Variants in MALRD1 observed in about 807,000 individuals in gnomAD.
MALRD1 encodes the protein MAM and LDL-receptor class A domain-containing protein 1.
In MALRD1, 247 loss-of-function variants were observed where a neutral mutation model predicts 242.1. The ratio of observed to expected loss-of-function variants is 1.02; its 90% CI spans 0.92 to 1.13. The LOEUF is 1.13. Among genes scored for constraint, MALRD1 ranks in the 50% most tolerant of loss-of-function variants. The probability of loss-of-function intolerance (pLI) is 0.00; values close to 1 mark genes in which losing one functional copy is unlikely to be tolerated. For missense variants in MALRD1, 2,989 were observed against 2,533.1 expected (o/e 1.18, Z -3.86); for synonymous variants, 995 against 866.6 (o/e 1.15, Z -2.60).
chr10:19,412,288 C>G (rs1359687018), intron 28 of MALRD1, among the ~76,000 whole-genome samples: 1 of 152,154 alleles, frequency 6.6e-6, no homozygotes, highest in Non-Finnish European at 1.5e-5. Context: ...GAAACTCGGT[C>G]TCAAATACAT....
intron 26 of MALRD1, among the ~76,000 whole-genome samples, chr10:19,354,672 C>A (rs557941221): frequency 2.6e-5 from 4 of 152,074 alleles, no homozygotes; most frequent in African/African-American, 4.8e-5. Context: ...TCCTCCAGTT[C>A]CATCCATGTT....
At chr10:19,718,018 AAATAAATAAATAAAGAGGAAGAAG>A in intron 38 of MALRD1, among the ~76,000 whole-genome samples, 1 of 151,340 alleles carries the variant, frequency 6.6e-6, no homozygotes, top group Non-Finnish European at 1.5e-5. Flanking sequence ...ATAAATAAAT[AAATAAATAAATAAAGAGGAAGAAG>A]AAGAGGAAGA....
chr10:19,421,945 C>A (rs1012162446), intron 28 of MALRD1, among the ~76,000 whole-genome samples: 3 of 152,188 alleles, frequency 2.0e-5, no homozygotes, highest in African/African-American at 7.2e-5. Context: ...CTGGACCCAT[C>A]TGTAGCAAAT....
chr10:19,377,580 T>C (rs554358624), intron 26 of MALRD1, among the ~76,000 whole-genome samples: 1 of 152,186 alleles, frequency 6.6e-6, no homozygotes, highest in East Asian at 1.9e-4. Context: ...TTGAATAAGA[T>C]ACATAAAATT....
At chr10:19,533,555 C>T (rs558275135) in intron 32 of MALRD1, among the ~76,000 whole-genome samples, 3 of 152,224 alleles carry the variant, frequency 2.0e-5, no homozygotes, top group Non-Finnish European at 2.9e-5. Context: ...GGAAGCATGG[C>T]ACTGGGCATC....
chr10:19,438,498 C>G (rs181069887), intron 28 of MALRD1, among the ~76,000 whole-genome samples: 14 of 152,304 alleles, frequency 9.2e-5, no homozygotes, highest in African/African-American at 3.4e-4. Context: ...CTTCAAGTCT[C>G]TGCCTTCAAT....
At chr10:19,156,468 T>A (rs954616231) in intron 12 of MALRD1, among the ~76,000 whole-genome samples, 4 of 151,600 alleles carry the variant, frequency 2.6e-5, no homozygotes, top group Admixed American at 1.3e-4. Context: ...GAGCGTTTTT[T>A]TTTTTTTTTT....
chr10:19,154,907 C>T (rs1299766274), intron 11 of MALRD1, among the ~76,000 whole-genome samples, 168 bp from the exon 12 acceptor site: 1 of 152,066 alleles, frequency 6.6e-6, no homozygotes, highest in African/African-American at 2.4e-5. Context: ...TAATGTTATA[C>T]CGGTATAAAT....
intron 36 of MALRD1, among the ~76,000 whole-genome samples, chr10:19,654,404 A>G (rs558328089): frequency 4.1e-4 from 62 of 152,134 alleles, no homozygotes; most frequent in Admixed American, 7.9e-4. Flanking sequence ...CAGTGTTTTG[A>G]TGATTTATAG....
intron 14 of MALRD1, among the ~76,000 whole-genome samples, chr10:19,179,020 A>G (rs959161443): frequency 6.6e-6 from 1 of 152,200 alleles, no homozygotes; most frequent in Non-Finnish European, 1.5e-5. Flanking sequence ...GATGAATGAA[A>G]ACGTCCTGCT....
At chr10:19,236,660 C>T (rs553547419) in intron 18 of MALRD1, among the ~76,000 whole-genome samples, 2 of 152,052 alleles carry the variant, frequency 1.3e-5, no homozygotes, top group Non-Finnish European at 2.9e-5. Flanking sequence ...ATTTCAAAAG[C>T]ACATAAAAAG....
chr10:19,344,902 ATAGT>A (rs1355962291), intron 24 of MALRD1, among the ~76,000 whole-genome samples: 2 of 152,062 alleles, frequency 1.3e-5, no homozygotes, highest in Non-Finnish European at 2.9e-5. Context: ...AAGGTAGAAA[ATAGT>A]TTGATTGATG....
chr10:19,599,547 A>G (rs978874031), intron 34 of MALRD1, among the ~76,000 whole-genome samples: 3 of 152,198 alleles, frequency 2.0e-5, no homozygotes, highest in African/African-American at 4.8e-5. Context: ...TCTGATAGCC[A>G]TCTTCTGTTC....
chr10:19,446,472 G>T (rs1360424498), intron 28 of MALRD1, among the ~76,000 whole-genome samples: 1 of 152,210 alleles, frequency 6.6e-6, no homozygotes, highest in African/African-American at 2.4e-5. Flanking sequence ...TTGGGAAAAA[G>T]TTGTATATTC....
At chr10:19,656,265 A>G (rs1841148743) in intron 36 of MALRD1, among the ~76,000 whole-genome samples, 1 of 152,180 alleles carries the variant, frequency 6.6e-6, no homozygotes, top group Admixed American at 6.6e-5. Context: ...GGATTTATTT[A>G]TGCTAACCAC....
intron 38 of MALRD1, among the ~76,000 whole-genome samples, chr10:19,729,491 T>G (rs1420246095): frequency 1.3e-5 from 2 of 151,708 alleles, no homozygotes; most frequent in African/African-American, 4.9e-5. Context: ...CTGGAATTGG[T>G]CTTCCATTCT....
intron 28 of MALRD1, among the ~76,000 whole-genome samples, chr10:19,392,086 C>T (rs2130823340): frequency 6.6e-6 from 1 of 152,294 alleles, no homozygotes; most frequent in South Asian, 2.1e-4. Context: ...TTGGTAGCCT[C>T]ATTTATATGG....
At chr10:19,174,997 G>A (rs1357983894) in intron 13 of MALRD1, among the ~76,000 whole-genome samples, 3 of 152,026 alleles carry the variant, frequency 2.0e-5, no homozygotes, top group Non-Finnish European at 1.5e-5. Context: ...ATTGAAACAA[G>A]GTTACCTTTG....
At chr10:19,056,851 ATAAG>A (rs1327176155) in intron 1 of MALRD1, among the ~76,000 whole-genome samples, 2 of 152,126 alleles carry the variant, frequency 1.3e-5, no homozygotes, top group African/African-American at 2.4e-5. Flanking sequence ...TATTCTGTCT[ATAAG>A]TAATCTGTTG....
Sources: gnomAD v4.1 joint callset for allele counts (sites outside exome capture counted in the v4.1 genomes callset) on GRCh38, gnomAD v4.1.1 for gene constraint, MANE v1.5 for transcripts, NCBI Gene and HGNC (gene_info 2026-07-23, HGNC 2026-07-21) for gene names.